Variants in ERI1 observed in about 807,000 individuals in gnomAD.
ERI1 encodes the protein 3'-5' exoribonuclease 1.
In ERI1, 39 loss-of-function variants were observed where a neutral mutation model predicts 39.7. The ratio of observed to expected loss-of-function variants is 0.98; its 90% CI spans 0.76 to 1.28. ERI1 has a LOEUF of 1.28. Among genes scored for constraint, ERI1 ranks in the 50% most tolerant of loss-of-function variants. The pLI, the probability that ERI1 is intolerant of heterozygous loss-of-function variation, is 0.00. For synonymous variants in ERI1, 204 were observed against 149.6 expected (o/e 1.36, Z -2.65); for missense variants, 581 against 416.9 (o/e 1.39, Z -3.43).
intron 3 of ERI1, among the ~76,000 whole-genome samples, chr8:9,060,121 A>G (rs1798644788): frequency 6.6e-6 from 1 of 152,120 alleles, no homozygotes; most frequent in Non-Finnish European, 1.5e-5. Flanking sequence ...CTGAATATTG[A>G]GGATGGTAAG....
At chr8:9,095,536 C>A (rs1023070465) in intron 3 of ERI1, among the ~76,000 whole-genome samples, 1 of 151,824 alleles carries the variant, frequency 6.6e-6, no homozygotes, top group African/African-American at 2.4e-5. Context: ...GATGGGGTCT[C>A]ACTCTGAAAC....
intron 3 of ERI1, among the ~76,000 whole-genome samples, chr8:9,099,541 G>A (rs955316618): frequency 6.6e-6 from 1 of 150,908 alleles, no homozygotes; most frequent in African/African-American, 2.4e-5. Flanking sequence ...GCAGCAGTGA[G>A]CTGTGACGGT....
intron 6 of ERI1, among the ~76,000 whole-genome samples, chr8:9,022,415 C>G (rs980543128): frequency 4.6e-5 from 7 of 151,938 alleles, no homozygotes; most frequent in Admixed American, 3.3e-4. Flanking sequence ...GTTTATTTGT[C>G]TTTGAGATGA....
intron 1 of ERI1, among the ~76,000 whole-genome samples, chr8:9,006,123 A>G (rs1443343265): frequency 6.6e-6 from 1 of 152,244 alleles, no homozygotes; most frequent in African/African-American, 2.4e-5. Context: ...CTGCAGATTA[A>G]CAATACAAGT....
At chr8:9,013,176 G>A (rs1006938620) in intron 3 of ERI1, among the ~76,000 whole-genome samples, 4 of 151,794 alleles carry the variant, frequency 2.6e-5, no homozygotes, top group Non-Finnish European at 4.4e-5. Flanking sequence ...CACCACGCCC[G>A]GCTAATTTTT....
intron 3 of ERI1, among the ~76,000 whole-genome samples, chr8:9,012,698 A>T (rs1051465864): frequency 1.3e-5 from 2 of 152,164 alleles, no homozygotes; most frequent in African/African-American, 4.8e-5. Context: ...GTTCTCCCTC[A>T]TTTGGACATT....
chr8:9,011,324 A>T lies in ERI1; in HGVS notation c.288-218A>T, dbSNP rs149335234. Among the ~76,000 whole-genome samples the T allele has an allele frequency of 3.4e-3, 518 of 152,326 alleles. 1 individual carries two copies. Among genetic ancestry groups the T allele is most frequent in the Non-Finnish European group, 5.2e-3 (351 of 68,016 alleles). On this transcript the variant is annotated intron_variant, in intron 2 of 6. Coordinates refer to ENST00000250263, the MANE Select transcript of ERI1 (RefSeq NM_153332.4). ...TTATATACTACTAAAATAAAAAAAGACTTGTGAAGGAAAATGTTAATGTTG... is the reference window on the plus strand; with the variant it reads ...TTATATACTACTAAAATAAAAAAAGTCTTGTGAAGGAAAATGTTAATGTTG...
At chr8:9,009,513 G>A (rs1221127793) in intron 2 of ERI1, among the ~76,000 whole-genome samples, 1 of 152,122 alleles carries the variant, frequency 6.6e-6, no homozygotes, top group African/African-American at 2.4e-5. Flanking sequence ...AAAGTTATAG[G>A]ACATAAAAGT....
At chr8:9,037,069 C>G (rs1797871876), downstream of ERI1, among the ~76,000 whole-genome samples, 1 of 152,186 alleles carries the variant, frequency 6.6e-6, no homozygotes, top group South Asian at 2.1e-4. Context: ...TTCTCTCTTG[C>G]TGTCTCTTCC....
chr8:9,014,373 CTA>C (rs1433308593), intron 3 of ERI1, among the ~76,000 whole-genome samples: 2 of 152,180 alleles, frequency 1.3e-5, no homozygotes, highest in Admixed American at 6.5e-5. Context: ...CTTGATTATC[CTA>C]TTTAAGAGTG....
intron 6 of ERI1, among the ~76,000 whole-genome samples, chr8:9,020,787 G>A (rs1013154485): frequency 3.3e-5 from 5 of 152,154 alleles, no homozygotes; most frequent in African/African-American, 9.7e-5. Context: ...GTTAATATGC[G>A]TGTGCCGTGT....
chr8:9,063,575 C>T (rs979232568), intron 3 of ERI1, among the ~76,000 whole-genome samples: 4 of 151,964 alleles, frequency 2.6e-5, no homozygotes, highest in South Asian at 2.1e-4. Context: ...AAAGACTCAG[C>T]GATGCTTGGG....
chr8:9,010,333 AAAAG>A (rs1432034388), intron 2 of ERI1, among the ~76,000 whole-genome samples: 4 of 152,188 alleles, frequency 2.6e-5, no homozygotes, highest in African/African-American at 4.8e-5. Context: ...AAAAGATAAA[AAAAG>A]AAAGTAATCC....
intron 3 of ERI1, among the ~76,000 whole-genome samples, chr8:9,051,714 AACC>A (rs1471973072): frequency 6.6e-6 from 1 of 151,104 alleles, no homozygotes; most frequent in Non-Finnish European, 1.5e-5. Context: ...TCCTGCCTAG[AACC>A]ACTTCTTTAG....
chr8:9,044,542 C>G (rs1319067317), intron 3 of ERI1, among the ~76,000 whole-genome samples: 2 of 152,080 alleles, frequency 1.3e-5, no homozygotes, highest in Admixed American at 1.3e-4. Context: ...TAATTACAAT[C>G]CATGATGTGG....
At chr8:9,022,249 G>A (rs887031564) in intron 6 of ERI1, among the ~76,000 whole-genome samples, 4 of 151,902 alleles carry the variant, frequency 2.6e-5, no homozygotes, top group East Asian at 1.9e-4. Flanking sequence ...GCTTTTTTGC[G>A]AACCCCTTAT....
chr8:9,006,221 G>C (rs147639573), intron 1 of ERI1, among the ~76,000 whole-genome samples: 8 of 151,648 alleles, frequency 5.3e-5, no homozygotes, highest in Non-Finnish European at 8.8e-5. Flanking sequence ...TGAAATTTGG[G>C]AGGAGACACT....
chr8:9,037,315 G>A (rs950829119), downstream of ERI1, among the ~76,000 whole-genome samples: 3 of 152,152 alleles, frequency 2.0e-5, no homozygotes, highest in Non-Finnish European at 2.9e-5. Flanking sequence ...CTGTCCCCAG[G>A]AAGTTAGCCC....
At chr8:9,021,001 G>T (rs576548062) in intron 6 of ERI1, among the ~76,000 whole-genome samples, 18 of 151,688 alleles carry the variant, frequency 1.2e-4, no homozygotes, top group Non-Finnish European at 2.4e-4. Context: ...TTCAGTTTGC[G>T]ATCTATTGAA....
Sources: gnomAD v4.1 joint callset for allele counts (sites outside exome capture counted in the v4.1 genomes callset) on GRCh38, gnomAD v4.1.1 for gene constraint, MANE v1.5 for transcripts, NCBI Gene and HGNC (gene_info 2026-07-23, HGNC 2026-07-21) for gene names.